Variants in C4orf51 observed in about 807,000 individuals in gnomAD.
C4orf51 encodes the protein uncharacterized protein C4orf51.
Under a neutral mutation model 25.2 loss-of-function variants are expected in C4orf51, and 25 were observed. That is an observed-to-expected ratio of 0.99 (90% confidence interval 0.72 to 1.39). The LOEUF (loss-of-function observed/expected upper bound fraction) is 1.39, where lower values mean the gene tolerates loss of function less well. Among genes scored for constraint, C4orf51 ranks in the 40% most tolerant of loss-of-function variants. C4orf51 has a pLI of 0.00. For missense variants in C4orf51, 252 were observed against 239.6 expected, an observed-to-expected ratio of 1.05 and a Z score of -0.34; for synonymous variants, 100 against 84.5, an observed-to-expected ratio of 1.18 and a Z score of -1.01.
intron 1 of C4orf51, among the ~76,000 whole-genome samples, chr4:145,688,618 T>C (rs1578919735): frequency 6.6e-6 from 1 of 152,250 alleles, no homozygotes; most frequent in East Asian, 1.9e-4. Flanking sequence ...GCCATGATTG[T>C]AAGTTTCCTG....
At chr4:145,721,046 C>A (rs999929869) in intron 2 of C4orf51, among the ~76,000 whole-genome samples, 1 of 152,100 alleles carries the variant, frequency 6.6e-6, no homozygotes, top group Non-Finnish European at 1.5e-5. Context: ...TTCTTTTAAA[C>A]TACAGGAAGA....
At chr4:145,741,311 G>C (rs1733084149) in intron 1 of C4orf51, among the ~76,000 whole-genome samples, 1 of 152,128 alleles carries the variant, frequency 6.6e-6, no homozygotes, top group Admixed American at 6.5e-5. Context: ...GAGGGGTGAG[G>C]GGTAGGGCGA....
At chr4:145,775,909 G>T (rs1476237158), downstream of C4orf51, 2 of 1,614,064 alleles carry the variant, frequency 1.2e-6, 1 homozygote. Context: ...GTTCAGATTT[G>T]CACGGCACTT....
At chr4:145,729,088 C>A in intron 3 of C4orf51, 81 bp from the exon 4 acceptor site, 8 of 996,358 alleles carry the variant, frequency 8.0e-6, no homozygotes, top group Non-Finnish European at 1.2e-5. Flanking sequence ...TGGGGAGGAA[C>A]AATGTTGGGA....
rs1042875814 is a variant in C4orf51, at chr4:145,761,819, C to T, written n.167-9169C>T. 2.0e-5 allele frequency among the ~76,000 whole-genome samples: 3 copies of T among 152,190 alleles called. No homozygotes were observed. Among genetic ancestry groups the T allele is most frequent in the Non-Finnish European group, 2.9e-5 (2 of 68,028 alleles). ...GCTGACAAGCAGCTCTGGCAAGGTC[C>T]GCTCAGCCTATTCTGGGTCTCTTGG... is the stretch of plus-strand genomic sequence containing the variant. On this transcript the variant is annotated intron_variant and non_coding_transcript_variant, in intron 1 of 1. Transcript: ENST00000510096. This position sits in a 1 kb window ranked among gnomAD's most constrained non-coding sequence, Gnocchi z 6.8.
At chr4:145,769,186 G>C (rs994383307) in intron 1 of C4orf51, among the ~76,000 whole-genome samples, 11 of 151,974 alleles carry the variant, frequency 7.2e-5, no homozygotes, top group Middle Eastern at 3.4e-3. Context: ...TATTAGAACT[G>C]CAAGTATGTG....
At chr4:145,749,587 G>A (rs1214397165) in intron 1 of C4orf51, among the ~76,000 whole-genome samples, 1 of 151,164 alleles carries the variant, frequency 6.6e-6, no homozygotes, top group East Asian at 1.9e-4. Flanking sequence ...TATGTTTTTT[G>A]GTTTGAAGTT....
At chr4:145,755,371 T>G (rs1343963471), downstream of C4orf51, among the ~76,000 whole-genome samples, 1 of 152,224 alleles carries the variant, frequency 6.6e-6, no homozygotes, top group Non-Finnish European at 1.5e-5. Flanking sequence ...GAAATGATTT[T>G]GAAGTGTGAA....
chr4:145,704,013 A>G (rs1730635384), intron 2 of C4orf51, among the ~76,000 whole-genome samples: 1 of 152,202 alleles, frequency 6.6e-6, no homozygotes, highest in South Asian at 2.1e-4. Context: ...GAGTTACGGA[A>G]ACGTGTATAT....
intron 2 of C4orf51, among the ~76,000 whole-genome samples, chr4:145,713,551 A>C (rs1731243180): frequency 6.6e-6 from 1 of 152,232 alleles, no homozygotes; most frequent in Non-Finnish European, 1.5e-5. Context: ...CTGCAATCTC[A>C]TAATACAACT....
chr4:145,689,314 C>T (rs1307599797), intron 1 of C4orf51, among the ~76,000 whole-genome samples: 3 of 151,698 alleles, frequency 2.0e-5, no homozygotes, highest in African/African-American at 7.3e-5. Flanking sequence ...CAACTAAATA[C>T]AATATTAAGG....
rs1731286857 is a variant in C4orf51 at position 145,714,328 on chromosome 4, T to A, written c.308-12583T>A. Among the ~76,000 whole-genome samples, 6 of 152,198 alleles carry A rather than the reference T, an allele frequency of 3.9e-5. No individual in the cohort carries two copies. In the South Asian group the frequency reaches 1.0e-3, roughly 26 times the overall value. ...AATGAAGCAAATTAAATATCCATCA[T>A]CTCACATAATTACCTTTTTTTATGG... On this transcript the variant is annotated intron_variant, in intron 2 of 5. Coordinates refer to ENST00000438731, the MANE Select transcript of C4orf51 (RefSeq NM_001080531.3).
chr4:145,749,063 GTGTATA>G (rs1165719254), intron 1 of C4orf51, among the ~76,000 whole-genome samples: 9 of 140,000 alleles, frequency 6.4e-5, no homozygotes, highest in East Asian at 2.0e-4. Flanking sequence ...GTGTGTGTGT[GTGTATA>G]TATATATATA....
At chr4:145,768,035 CAT>C (rs1735580436) in intron 1 of C4orf51, among the ~76,000 whole-genome samples, 2 of 152,044 alleles carry the variant, frequency 1.3e-5, no homozygotes, top group Admixed American at 6.6e-5. Flanking sequence ...GTTTATAAAA[CAT>C]ATAAGTAAAC....
rs2126690909 is a variant in C4orf51 at position 145,696,624 on chromosome 4, A to G, written c.299A>G (p.Asp100Gly). 6.2e-7 allele frequency: 1 copy of G among 1,612,914 alleles called. No homozygotes were observed. The highest frequency in any genetic ancestry group is 8.5e-7 in the Non-Finnish European group (1 of 1,179,178). ...LCWAGTQETT[D>G]IKGLFPDITR... ...TGGGCTGGTACCCAAGAGACTACAG[A>G]TATCAAAGGTAAGTGCAACATGATC... The change falls in exon 2 of 6, where the codon GAT (aspartate) becomes GGT (glycine). Residue 100 changes from aspartate (D) to glycine (G), a missense_variant. Physicochemically the swap from Asp to Gly is moderately conservative, Grantham distance 94. Coordinates refer to ENST00000438731, the MANE Select transcript of C4orf51 (RefSeq NM_001080531.3).
At chr4:145,683,829 G>A (rs1215914471) in intron 1 of C4orf51, among the ~76,000 whole-genome samples, 1 of 152,108 alleles carries the variant, frequency 6.6e-6, no homozygotes, top group Non-Finnish European at 1.5e-5. Flanking sequence ...ATGACTTTGG[G>A]TATGGCAATG....
At position 145,762,678 on chromosome 4, in the gene C4orf51, C is replaced by T. The variant is rs1232366230; in HGVS notation, n.167-8310C>T. Among the ~76,000 whole-genome samples, 6 of 152,274 alleles carry T rather than the reference C, an allele frequency of 3.9e-5. No homozygotes were observed. Among genetic ancestry groups the T allele is most frequent in the Admixed American group, 2.6e-4 (4 of 15,306 alleles). On this transcript the variant is annotated intron_variant and non_coding_transcript_variant, in intron 1 of 1. Coordinates refer to the C4orf51 transcript ENST00000510096. The surrounding 1 kb of genome is among the most constrained non-coding windows in gnomAD (Gnocchi z 4.9). Reference sequence around the variant, plus strand: ...TTCTCCATCCTTTGCAGTGAGGCTACGCTACCACCAACCCTCCTGGCTGTC... The same window carrying T: ...TTCTCCATCCTTTGCAGTGAGGCTATGCTACCACCAACCCTCCTGGCTGTC...
chr4:145,741,310 G>A lies in C4orf51; in HGVS notation n.167+8691G>A, dbSNP rs146993526. 1.7e-4 allele frequency among the ~76,000 whole-genome samples: 26 copies of A among 152,238 alleles called. No individual in the cohort carries two copies. The East Asian group carries it at 4.6e-3, about 27-fold the overall frequency. On this transcript the variant is annotated intron_variant and non_coding_transcript_variant, in intron 1 of 1. Transcript: ENST00000508981. ...AACTCTTGCCACAGCAGAGGGGTGA[G>A]GGGTAGGGCGACTTTTCATCCTTTG... is the stretch of plus-strand genomic sequence containing the variant.
intron 2 of C4orf51, among the ~76,000 whole-genome samples, chr4:145,699,171 C>T (rs1481893771): frequency 6.6e-6 from 1 of 151,742 alleles, no homozygotes; most frequent in Non-Finnish European, 1.5e-5. Context: ...TCTCCCTTCG[C>T]TGACTCTCTT....
Sources: gnomAD v4.1 joint callset for allele counts (sites outside exome capture counted in the v4.1 genomes callset) on GRCh38, gnomAD v4.1.1 for gene constraint, Gnocchi (gnomAD v3.1) non-coding constraint, MANE v1.5 for transcripts, NCBI Gene and HGNC (gene_info 2026-07-23, HGNC 2026-07-21) for gene names.